Variants in N4BP2 observed in about 807,000 individuals in gnomAD.
N4BP2 encodes the protein NEDD4 binding protein 2.
In N4BP2, 91 loss-of-function variants were observed where a neutral mutation model predicts 152.8. The ratio of observed to expected loss-of-function variants is 0.60; its 90% CI spans 0.50 to 0.71. The LOEUF (loss-of-function observed/expected upper bound fraction) is 0.71. Among genes scored for constraint, N4BP2 ranks in the 30% least tolerant of loss-of-function variants. The probability of loss-of-function intolerance (pLI) is 0.00; values close to 1 mark genes in which losing one functional copy is unlikely to be tolerated. For synonymous variants in N4BP2, 646 were observed against 705.3 expected (o/e 0.92, Z 1.33); for missense variants, 1,923 against 2,059.1 (o/e 0.93, Z 1.28).
chr4:40,124,982 TTAGA>T (rs1335026700), intron 11 of N4BP2, among the ~76,000 whole-genome samples: 2 of 152,346 alleles, frequency 1.3e-5, no homozygotes, highest in African/African-American at 4.8e-5. Flanking sequence ...ATGACTTCTC[TTAGA>T]TAGTGTTGTC....
chr4:40,178,284 T>G, the N4BP2 span, among the ~76,000 whole-genome samples: 1 of 152,108 alleles, frequency 6.6e-6, no homozygotes, highest in South Asian at 2.1e-4. Context: ...TCAACACAAA[T>G]GGGATAGAAT....
chr4:40,186,068 A>G, the N4BP2 span, among the ~76,000 whole-genome samples: 1 of 152,170 alleles, frequency 6.6e-6, no homozygotes, highest in Non-Finnish European at 1.5e-5. Flanking sequence ...TCCCAGGTAT[A>G]ATTTCCATTT....
At chr4:40,109,132 A>G (rs1716620346) in intron 5 of N4BP2, among the ~76,000 whole-genome samples, 1 of 152,140 alleles carries the variant, frequency 6.6e-6, no homozygotes, top group Non-Finnish European at 1.5e-5. Flanking sequence ...TTTTATGATA[A>G]GTGTACTGTA....
downstream of N4BP2, among the ~76,000 whole-genome samples, chr4:40,162,617 G>A (rs1721888247): frequency 6.6e-6 from 1 of 152,182 alleles, no homozygotes; most frequent in South Asian, 2.1e-4. Context: ...ATGCCAGGGA[G>A]TACCCCAAGT....
chr4:40,081,871 G>A (rs778632619), intron 2 of N4BP2, among the ~76,000 whole-genome samples: 4 of 152,132 alleles, frequency 2.6e-5, no homozygotes, highest in Non-Finnish European at 5.9e-5. Context: ...CCAGCACTTT[G>A]AGAGGCCAAG....
the N4BP2 span, among the ~76,000 whole-genome samples, chr4:40,171,857 G>C: frequency 6.6e-6 from 1 of 152,132 alleles, no homozygotes. Flanking sequence ...TGATGTTCGA[G>C]GGCAGGAAGC....
At chr4:40,153,865 T>C (rs532454153) in intron 17 of N4BP2, among the ~76,000 whole-genome samples, 1 of 152,322 alleles carries the variant, frequency 6.6e-6, no homozygotes, top group Admixed American at 6.5e-5. Flanking sequence ...AGATTTCTTC[T>C]TGGTGCTTTC....
At position 40,097,271 on chromosome 4, in the gene N4BP2, T is replaced by C. The variant is rs1715184424; in HGVS notation, c.-70T>C. 4.5e-6 allele frequency: 6 copies of C among 1,339,666 alleles called. No individual in the cohort carries two copies. Among genetic ancestry groups the C allele is most frequent in the Non-Finnish European group, 6.4e-6 (6 of 943,548 alleles). 83.0% of individuals were successfully genotyped at this position (1,339,666 alleles called of 1,614,324 possible). A position where few individuals can be genotyped will look rare whatever the true frequency, so the allele number is the denominator to read the frequency against. On this transcript the variant is annotated 5_prime_UTR_variant, in exon 3 of 18. Coordinates refer to ENST00000261435, the MANE Select transcript of N4BP2 (RefSeq NM_018177.6). ...GTGCAAGATATTTAACCCTATTTTGTTTGAATTATGACTTAAATGTCAAAC... is the reference window on the plus strand; with the variant it reads ...GTGCAAGATATTTAACCCTATTTTGCTTGAATTATGACTTAAATGTCAAAC...
chr4:40,141,737 G>A (rs1181434796), intron 14 of N4BP2, among the ~76,000 whole-genome samples: 2 of 152,220 alleles, frequency 1.3e-5, no homozygotes, highest in East Asian at 3.9e-4. Context: ...CAGGGCAGGC[G>A]GCTGGGAGGT....
chr4:40,141,493 GC>G (rs199881701), intron 14 of N4BP2, among the ~76,000 whole-genome samples: 7,590 of 151,216 alleles, frequency 0.05, 557 homozygotes, highest in East Asian at 0.39. Context: ...ACGATGGGCG[GC>G]CGGGCAGAGG....
At chr4:40,065,530 C>T (rs1405431542) in intron 1 of N4BP2, among the ~76,000 whole-genome samples, 2 of 151,874 alleles carry the variant, frequency 1.3e-5, no homozygotes, top group Non-Finnish European at 2.9e-5. Flanking sequence ...CCAAGAAGGG[C>T]CAGACAGAAA....
chr4:40,104,069 C>T (rs892003520), intron 4 of N4BP2, among the ~76,000 whole-genome samples: 4 of 152,022 alleles, frequency 2.6e-5, no homozygotes, highest in Non-Finnish European at 5.9e-5. Context: ...ATTCCTGCCT[C>T]AGCCTCCCGA....
At chr4:40,122,358 A>G (rs376274494) in intron 9 of N4BP2, 49 bp downstream of exon 9, 2 of 1,263,172 alleles carry the variant, frequency 1.6e-6, no homozygotes, top group African/African-American at 1.5e-5. Context: ...TGACTAGACT[A>G]CAGAGGGTTC....
At chr4:40,147,778 G>A (rs1296518803) in intron 16 of N4BP2, among the ~76,000 whole-genome samples, 2 of 151,542 alleles carry the variant, frequency 1.3e-5, no homozygotes, top group South Asian at 2.1e-4. Context: ...CAGATGGGGC[G>A]GCTGCTGGGC....
chr4:40,178,515 G>GTACTT, the N4BP2 span, among the ~76,000 whole-genome samples: 1 of 152,086 alleles, frequency 6.6e-6, no homozygotes. Context: ...GTAACTAGTG[G>GTACTT]TACTTGGGCA....
At chr4:40,169,170 G>A in the N4BP2 span, among the ~76,000 whole-genome samples, 10 of 151,976 alleles carry the variant, frequency 6.6e-5, no homozygotes, top group Admixed American at 6.5e-4. Context: ...ATCATCTGAG[G>A]TCAGGAGTTT....
Position 40,102,138 on chromosome 4 carries a change from C to G in N4BP2, c.293C>G (p.Ser98Cys). 1 of 1,613,052 alleles carries G rather than the reference C, an allele frequency of 6.2e-7. No homozygotes were observed. Among genetic ancestry groups the G allele is most frequent in the South Asian group, 1.1e-5 (1 of 91,000 alleles). Residue 98 changes from serine (S) to cysteine (C), a missense_variant, in exon 4 of 18, where the codon TCT (serine) becomes TGT (cysteine). Transcript: ENST00000261435. ...SATDTKIEES[S>C]SQSFVASENQ... ...ACTGATACCAAGATAGAAGAATCAT[C>G]TTCACAAAGTTTCGTTGCTTCTGAG... is the stretch of plus-strand genomic sequence containing the variant.
chr4:40,092,346 C>G (rs1714685160), intron 2 of N4BP2, among the ~76,000 whole-genome samples: 1 of 149,930 alleles, frequency 6.7e-6, no homozygotes, highest in South Asian at 2.1e-4. Context: ...GTGATTTTAT[C>G]TTTGTCTTAT....
chr4:40,144,812 G>A lies in N4BP2; in HGVS notation c.5143+12G>A. 2 of 1,585,430 alleles carry A rather than the reference G, an allele frequency of 1.3e-6. No individual in the cohort carries two copies. The highest frequency in any genetic ancestry group is 1.7e-6 in the Non-Finnish European group (2 of 1,166,614). On this transcript the variant is annotated intron_variant, in intron 16 of 17. Coordinates refer to ENST00000261435, the MANE Select transcript of N4BP2 (RefSeq NM_018177.6). The stretch of plus-strand genomic sequence containing the variant: ...GAAGAAGACTGAAGGTAGGACTGTG[G>A]TAATCACAAGTTTTCAATAGAATAT...
Sources: allele counts gnomAD v4.1 joint callset (sites outside exome capture counted in the v4.1 genomes callset), GRCh38; gene constraint gnomAD v4.1.1; transcripts MANE v1.5; gene names NCBI Gene and HGNC (gene_info 2026-07-23, HGNC 2026-07-21).